The following ADGRF5 variants were observed in gnomAD, a reference collection of about 807,000 sequenced individuals.
ADGRF5 encodes G-protein coupled receptor 116.
A neutral mutation model predicts 132.3 loss-of-function variants in ADGRF5; 75 were observed. The observed-to-expected ratio is 0.57, with a 90% CI of 0.47 to 0.69. The LOEUF is 0.69. Among genes scored for constraint, ADGRF5 ranks in the 30% least tolerant of loss-of-function variants. The pLI is 0.00. For synonymous variants in ADGRF5, 629 were observed against 597.6 expected, an observed-to-expected ratio of 1.05 and a Z score of -0.77; for missense variants, 1,516 against 1,630.6, an observed-to-expected ratio of 0.93 and a Z score of 1.21.
At chr6:46,929,163 TA>T (rs1427411506) in intron 1 of ADGRF5, among the ~76,000 whole-genome samples, 1 of 151,910 alleles carries the variant, frequency 6.6e-6, no homozygotes, top group African/African-American at 2.4e-5. Flanking sequence ...TATGCAGCCA[TA>T]AAAAAGGATG....
chr6:46,881,863 C>T (rs1178473965), intron 7 of ADGRF5, among the ~76,000 whole-genome samples, 186 bp downstream of exon 7: 1 of 152,136 alleles, frequency 6.6e-6, no homozygotes, highest in Non-Finnish European at 1.5e-5. Context: ...AGAATGAACA[C>T]AAGTCTTTTT....
chr6:46,853,070 T>C lies in ADGRF5; in HGVS notation c.*922A>G, dbSNP rs930826009. ...GAAGGGTATATCAAATATATATTTT[T>C]TGCTTTCAAAATGTGGAACAAACTA... On this transcript the variant is annotated 3_prime_UTR_variant, in exon 21 of 21. Coordinates refer to ENST00000283296, the MANE Select transcript of ADGRF5 (RefSeq NM_001098518.2). 6.6e-6 allele frequency: 1 copy of C among 152,656 alleles called. No homozygotes were observed. The highest frequency in any genetic ancestry group is 2.4e-5 in the African/African-American group (1 of 41,454). 9.5% of individuals were successfully genotyped at this position (152,656 alleles called of 1,614,324 possible). A position where few individuals can be genotyped will look rare whatever the true frequency, so the allele number is the denominator to read the frequency against.
chr6:46,870,285 T>C (rs1770911492), intron 11 of ADGRF5, among the ~76,000 whole-genome samples: 1 of 152,188 alleles, frequency 6.6e-6, no homozygotes, highest in Non-Finnish European at 1.5e-5. Context: ...CCCAAGAAGC[T>C]AGGACTACAG....
At chr6:46,950,203 G>A (rs1488760585) in intron 1 of ADGRF5, among the ~76,000 whole-genome samples, 1 of 152,070 alleles carries the variant, frequency 6.6e-6, no homozygotes, top group African/African-American at 2.4e-5. Context: ...ACATTGCCCG[G>A]GACAAGGCGT....
chr6:46,853,772 G>T lies in ADGRF5; in HGVS notation c.*220C>A. 1 of 408,286 alleles carries T rather than the reference G, an allele frequency of 2.4e-6. No homozygotes were observed. The highest frequency in any genetic ancestry group is 4.4e-6 in the Non-Finnish European group (1 of 228,394). 25.3% of individuals were successfully genotyped at this position (408,286 alleles called of 1,614,324 possible). Reference sequence around the variant, plus strand: ...TTTCACTTAAATACTATACACATGTGGTATCACACAAGGGGGAGGGGGAGG... The same window carrying T: ...TTTCACTTAAATACTATACACATGTTGTATCACACAAGGGGGAGGGGGAGG... On this transcript the variant is annotated 3_prime_UTR_variant, in exon 21 of 21. Transcript: ENST00000283296.
chr6:46,856,830 G>C lies in ADGRF5; in HGVS notation c.3816+37C>G, dbSNP rs776345428. 1.9e-6 allele frequency: 3 copies of C among 1,606,360 alleles called. No homozygotes were observed. In the South Asian group the frequency reaches 3.3e-5, roughly 18 times the overall value. ...ACTTCAACATGCCACAAGCACTTCA[G>C]ACTTTTCTAGAAACATGAAACTGTC... On this transcript the variant is annotated intron_variant, in intron 18 of 20. Transcript: ENST00000283296.
At chr6:46,854,266 G>A (rs1178467324) in intron 20 of ADGRF5, among the ~76,000 whole-genome samples, 195 bp from the exon 21 acceptor site, 2 of 152,204 alleles carry the variant, frequency 1.3e-5, no homozygotes, top group Non-Finnish European at 2.9e-5. Context: ...TCGTTCTCAT[G>A]CATGCGTGGC....
chr6:46,908,043 G>C (rs999447483), intron 1 of ADGRF5: 1 of 152,192 alleles, frequency 6.6e-6, no homozygotes, highest in African/African-American at 2.4e-5. Context: ...ACACACTGAT[G>C]ATAGGCAAGA....
At chr6:46,919,493 A>G (rs138309622) in intron 1 of ADGRF5, among the ~76,000 whole-genome samples, 2,576 of 152,360 alleles carry the variant, frequency 0.017, 32 homozygotes, top group Non-Finnish European at 0.027. Flanking sequence ...GATTAGCCTC[A>G]TTAACGTGAG....
intron 1 of ADGRF5, among the ~76,000 whole-genome samples, chr6:46,951,468 T>A (rs757057582): frequency 6.6e-6 from 1 of 152,228 alleles, no homozygotes; most frequent in Non-Finnish European, 1.5e-5. Context: ...AATGATACTA[T>A]GCCCTTCTCC....
intron 1 of ADGRF5, among the ~76,000 whole-genome samples, chr6:46,928,353 C>T (rs1332854111): frequency 6.6e-6 from 1 of 152,114 alleles, no homozygotes. Context: ...AATTTCACCA[C>T]ACACCCAGTA....
intron 3 of ADGRF5, among the ~76,000 whole-genome samples, chr6:46,890,255 G>T (rs1311643204): frequency 1.3e-5 from 2 of 151,874 alleles, no homozygotes; most frequent in Non-Finnish European, 2.9e-5. Flanking sequence ...ATCACGGCCA[G>T]CTAATTTCTG....
At chr6:46,953,689 A>ATC (rs1778613591) in intron 1 of ADGRF5, among the ~76,000 whole-genome samples, 1 of 132,956 alleles carries the variant, frequency 7.5e-6, no homozygotes, top group Non-Finnish European at 1.6e-5. Flanking sequence ...ATATATATAT[A>ATC]TCTCACTGAC....
In ADGRF5 at chr6:46,900,070, T is replaced by A. The variant is rs1482795811; in HGVS notation, c.116A>T (p.His39Leu). Residue 39 changes from histidine to leucine, a missense_variant, in exon 3 of 21, where the codon CAT becomes CTT. This residue lies in a region of ADGRF5 where 945 missense variants were observed against 929.4 expected (regional missense o/e 1.02). Coordinates refer to ENST00000283296, the MANE Select transcript of ADGRF5 (RefSeq NM_001098518.2). The part of the protein sequence containing the change: ...STIHPLSLHE[H>L]EPAGEEALRQ... ...CAGTGCCTCTTCACCAGCTGGTTCATGTTCATGAAGACTCTGAAAAGAACA... is the reference window on the plus strand; with the variant it reads ...CAGTGCCTCTTCACCAGCTGGTTCAAGTTCATGAAGACTCTGAAAAGAACA... 6.2e-7 allele frequency: 1 copy of A among 1,612,716 alleles called. No individual in the cohort carries two copies. The highest frequency in any genetic ancestry group is 1.1e-5 in the South Asian group (1 of 91,040).
At chr6:46,895,617 G>T (rs962976769) in intron 3 of ADGRF5, among the ~76,000 whole-genome samples, 1 of 149,738 alleles carries the variant, frequency 6.7e-6, no homozygotes, top group Non-Finnish European at 1.5e-5. Flanking sequence ...AGCGCATCCA[G>T]TGCAGGGTTT....
At chr6:46,898,958 T>A (rs1774463342) in intron 3 of ADGRF5, among the ~76,000 whole-genome samples, 1 of 152,198 alleles carries the variant, frequency 6.6e-6, no homozygotes, top group African/African-American at 2.4e-5. Context: ...AGAAAGAAAC[T>A]GAGCTTGATG....
chr6:46,883,475 C>A, intron 6 of ADGRF5, 84 bp downstream of exon 6: 1 of 705,666 alleles, frequency 1.4e-6, no homozygotes, highest in Non-Finnish European at 2.5e-6. Flanking sequence ...CTGACAGATC[C>A]AAGCCATGTT....
chr6:46,910,541 A>G (rs1028532354), intron 1 of ADGRF5, among the ~76,000 whole-genome samples: 2 of 152,074 alleles, frequency 1.3e-5, no homozygotes, highest in Non-Finnish European at 2.9e-5. Context: ...AATTACCCCC[A>G]TTTTTCAGAC....
intron 1 of ADGRF5, among the ~76,000 whole-genome samples, chr6:46,931,053 GA>G (rs71536392): frequency 6.6e-6 from 1 of 151,356 alleles, no homozygotes; most frequent in Admixed American, 6.6e-5. Flanking sequence ...GACGCTGTTT[GA>G]AAAAAAATAA....
Sources: allele counts gnomAD v4.1 joint callset (sites outside exome capture counted in the v4.1 genomes callset), GRCh38; gene constraint gnomAD v4.1.1; regional missense constraint gnomAD v4.1.1; transcripts MANE v1.5; gene names NCBI Gene and HGNC (gene_info 2026-07-23, HGNC 2026-07-21).